Variants in PCDHA8 observed in about 807,000 individuals in gnomAD.
The protein encoded by PCDHA8 is protocadherin alpha-8.
Under a neutral mutation model 61.8 loss-of-function variants are expected in PCDHA8, and 53 were observed. The ratio of observed to expected loss-of-function variants is 0.86; its 90% CI spans 0.69 to 1.08. PCDHA8 has a LOEUF of 1.08. PCDHA8 is among the 50% of genes least tolerant of loss of function. The pLI is 0.00. For synonymous variants in PCDHA8, 618 were observed against 556.6 expected (o/e 1.11, Z -1.55); for missense variants, 1,293 against 1,245.0 (o/e 1.04, Z -0.58).
At chr5:140,939,317 A>T (rs2092365663) in intron 1 of PCDHA8, among the ~76,000 whole-genome samples, 1 of 152,148 alleles carries the variant, frequency 6.6e-6, no homozygotes, top group Admixed American at 6.5e-5. Flanking sequence ...CTACCTCCTA[A>T]TATCATAATC....
chr5:140,877,914 A>AT (rs2057394520), intron 1 of PCDHA8: 3 of 1,426,804 alleles, frequency 2.1e-6, no homozygotes, highest in Non-Finnish European at 2.8e-6. Flanking sequence ...ACATTCTCTC[A>AT]TTTTTCTTTA....
At chr5:140,854,798 A>G (rs2043232983) in intron 1 of PCDHA8, 1 of 149,748 alleles carries the variant, frequency 6.7e-6, no homozygotes, top group African/African-American at 2.4e-5. Flanking sequence ...GAGAGAGAAA[A>G]AAATATTTTT....
chr5:140,955,914 G>A (rs1293205418), intron 1 of PCDHA8, among the ~76,000 whole-genome samples: 1 of 152,140 alleles, frequency 6.6e-6, no homozygotes, highest in East Asian at 1.9e-4. Context: ...TAGCAATTGT[G>A]AATGGGAGTT....
intron 3 of PCDHA8, among the ~76,000 whole-genome samples, chr5:140,985,651 T>A (rs1413086230): frequency 6.6e-6 from 1 of 151,992 alleles, no homozygotes; most frequent in Non-Finnish European, 1.5e-5. Context: ...ACACTTGCAA[T>A]GGCTGAATAA....
intron 3 of PCDHA8, among the ~76,000 whole-genome samples, chr5:141,004,121 C>T (rs1250923202): frequency 6.6e-6 from 1 of 152,230 alleles, no homozygotes; most frequent in Non-Finnish European, 1.5e-5. Flanking sequence ...AAGGGAGTAT[C>T]TCCATGATTC....
At chr5:140,970,466 A>G (rs549761303) in intron 1 of PCDHA8, among the ~76,000 whole-genome samples, 51 of 152,334 alleles carry the variant, frequency 3.3e-4, no homozygotes, top group Non-Finnish European at 4.4e-4. Context: ...TTAAGTAGGT[A>G]TAAGGCCAGC....
chr5:140,936,771 C>G (rs182480245), intron 1 of PCDHA8, among the ~76,000 whole-genome samples: 2 of 152,230 alleles, frequency 1.3e-5, no homozygotes, highest in South Asian at 4.1e-4. Flanking sequence ...TGTGTAAGTT[C>G]TCTCACTTTG....
chr5:140,857,738 C>T, intron 1 of PCDHA8: 1 of 1,597,432 alleles, frequency 6.3e-7, no homozygotes, highest in Non-Finnish European at 8.6e-7. Flanking sequence ...CGCTCCCGCG[C>T]TGCTGGCGTC....
At chr5:140,967,731 G>T in intron 1 of PCDHA8, 1 of 1,614,164 alleles carries the variant, frequency 6.2e-7, no homozygotes, top group African/African-American at 1.3e-5. Context: ...GTAATTGGGG[G>T]GCTGGATTAT....
rs782115498 is a variant in PCDHA8, at chr5:140,856,112, G to C, written c.2394+12397G>C. ...GCTGCTCTCGCTTCTTCTCCTCGCA[G>C]CCTGGGAGGTGGGGAGCGGCCAGCT... On this transcript the variant is annotated intron_variant, in intron 1 of 3. Coordinates refer to ENST00000531613, the MANE Select transcript of PCDHA8 (RefSeq NM_018911.3). The C allele has an allele frequency of 2.5e-6, 4 of 1,598,194 alleles. 1 individual carries two copies. The South Asian group carries it at 4.4e-5, about 18-fold the overall frequency.
At chr5:140,871,624 A>G in intron 1 of PCDHA8, 1 of 1,409,596 alleles carries the variant, frequency 7.1e-7, no homozygotes, top group African/African-American at 1.4e-5. Context: ...TTTAGATAAC[A>G]ATGTCTGTTC....
At chr5:140,875,588 C>T in intron 1 of PCDHA8, 1 of 1,613,954 alleles carries the variant, frequency 6.2e-7, no homozygotes, top group Non-Finnish European at 8.5e-7. Flanking sequence ...TACGAGGAGG[C>T]CAAACACGGC....
intron 1 of PCDHA8, chr5:140,882,792 A>C (rs367665995): frequency 6.2e-7 from 1 of 1,614,144 alleles, no homozygotes; most frequent in Non-Finnish European, 8.5e-7. Flanking sequence ...CTGGATCCCA[A>C]CGATTATTTC....
intron 1 of PCDHA8, among the ~76,000 whole-genome samples, chr5:140,918,479 G>T (rs895821639): frequency 1.3e-5 from 2 of 152,092 alleles, no homozygotes; most frequent in Non-Finnish European, 2.9e-5. Flanking sequence ...AGTCTCAAGG[G>T]GAATGCTTTG....
At chr5:140,964,862 A>G (rs560839818) in intron 1 of PCDHA8, among the ~76,000 whole-genome samples, 1 of 152,316 alleles carries the variant, frequency 6.6e-6, no homozygotes, top group South Asian at 2.1e-4. Context: ...GGAAACAAAG[A>G]GGACAAATAA....
intron 1 of PCDHA8, chr5:140,854,326 T>G (rs1243654252): frequency 4.3e-6 from 1 of 230,654 alleles, no homozygotes; most frequent in East Asian, 1.8e-4. Context: ...AATGGCAAAC[T>G]TATTTTACGC....
intron 3 of PCDHA8, among the ~76,000 whole-genome samples, chr5:140,999,132 T>TC (rs2153955890): frequency 6.6e-6 from 1 of 152,278 alleles, no homozygotes; most frequent in African/African-American, 2.4e-5. Context: ...CTGGAAAATG[T>TC]CACAGCCGGA....
chr5:140,969,040 A>G (rs1554231380), intron 1 of PCDHA8: 1 of 1,614,150 alleles, frequency 6.2e-7, no homozygotes. Context: ...AACTGTACAA[A>G]CAAGCCAACA....
intron 1 of PCDHA8, chr5:140,875,484 C>A: frequency 6.2e-7 from 1 of 1,611,246 alleles, no homozygotes. Context: ...TGGTGATTAT[C>A]GGACCAAGAG....
Sources: gnomAD v4.1 joint callset for allele counts (sites outside exome capture counted in the v4.1 genomes callset) on GRCh38, gnomAD v4.1.1 for gene constraint, MANE v1.5 for transcripts, NCBI Gene and HGNC (gene_info 2026-07-23, HGNC 2026-07-21) for gene names.